Variants in MUC3A observed in about 807,000 individuals in gnomAD.
MUC3A encodes the protein mucin 3A, cell surface associated.
In MUC3A, 109 loss-of-function variants were observed where a neutral mutation model predicts 109.0. The observed-to-expected ratio is 1.00, with a 90% CI of 0.86 to 1.17. The LOEUF is 1.17. Among genes scored for constraint, MUC3A ranks in the 50% most tolerant of loss-of-function variants. The pLI is 0.00. For missense variants in MUC3A, 3,537 were observed against 2,469.4 expected (o/e 1.43, Z -9.16); for synonymous variants, 1,398 against 981.4 (o/e 1.42, Z -7.93).
In MUC3A at chr7:100,957,795, A is replaced by G. The variant is rs1584803038; in HGVS notation, c.6016A>G (p.Thr2006Ala). The stretch of plus-strand genomic sequence containing the variant: ...CACAACCACCACCACCTCACACAGT[A>G]CTCCCAGCTTCACTTCTTCCATCAC... ...ITTTTTTSHS[T>A]PSFTSSITTT... The change falls in exon 2 of 12, where the codon ACT becomes GCT. Residue 2006 changes from threonine to alanine, a missense_variant. Physicochemically the swap from Thr to Ala is moderately conservative, Grantham distance 58 (BLOSUM62 0). Coordinates refer to ENST00000379458, the MANE Select transcript of MUC3A (RefSeq NM_005960.2). The G allele has an allele frequency of 1.3e-5, 14 of 1,059,724 alleles. No individual in the cohort carries two copies. The East Asian group carries it at 3.5e-4, about 26-fold the overall frequency. 65.6% of individuals were successfully genotyped at this position (1,059,724 alleles called of 1,614,324 possible).
Position 100,965,701 on chromosome 7 carries a change from C to T in MUC3A, c.9449-3C>T. On this transcript the variant is annotated splice_region_variant and splice_polypyrimidine_tract_variant and intron_variant, in intron 7 of 11. Transcript: ENST00000379458. ...TCTGTGCATCCCCCTCCCCAACCCCCAGCCATCTGCCGCCGCGCCGCTCCC... is the reference window on the plus strand; with the variant it reads ...TCTGTGCATCCCCCTCCCCAACCCCTAGCCATCTGCCGCCGCGCCGCTCCC... 6.3e-7 allele frequency: 1 copy of T among 1,596,146 alleles called. No individual in the cohort carries two copies. The highest frequency in any genetic ancestry group is 8.5e-7 in the Non-Finnish European group (1 of 1,178,366).
At chr7:100,964,479 A>G (rs1792454026) in intron 5 of MUC3A, 3 of 694,496 alleles carry the variant, frequency 4.3e-6, no homozygotes, top group Non-Finnish European at 6.7e-6. Flanking sequence ...CAGAGAGAGG[A>G]AGTCAATCAT....
At chr7:100,965,683 A>C (rs756747771) in intron 7 of MUC3A, 21 bp from the exon 8 acceptor site, 8 of 1,592,446 alleles carry the variant, frequency 5.0e-6, no homozygotes, top group Non-Finnish European at 6.8e-6. Context: ...GTCTCTGTGC[A>C]TCCCCCTCCC....
chr7:100,950,751 C>T (rs1156318172), intron 1 of MUC3A, among the ~76,000 whole-genome samples: 1 of 152,306 alleles, frequency 6.6e-6, no homozygotes, highest in Non-Finnish European at 1.5e-5. Flanking sequence ...GGGGTTCATG[C>T]TTGTAAACTA....
chr7:100,964,945 C>T (rs1342973610), intron 6 of MUC3A, 102 bp downstream of exon 6: 2 of 1,467,916 alleles, frequency 1.4e-6, no homozygotes, highest in Non-Finnish European at 9.0e-7. Context: ...CCCTGTGGTA[C>T]CTCTGGCAGG....
At position 100,958,294 on chromosome 7, in the gene MUC3A, C is replaced by A; in HGVS notation, c.6515C>A (p.Ser2172Ter). ...TSLITTTETT[S>*]HRWGTTETTS... is the part of the protein sequence containing the mutation. ...TTGATCACCACCACGGAGACCACCTCACACAGGTGGGGGACCACCGAGACC... is the reference window on the plus strand; with the variant it reads ...TTGATCACCACCACGGAGACCACCTAACACAGGTGGGGGACCACCGAGACC... The change falls in exon 2 of 12, where the codon TCA (serine) becomes TAA (stop). Residue 2172 changes from serine to a stop codon, truncating the protein, a stop_gained. Coordinates refer to ENST00000379458, the MANE Select transcript of MUC3A (RefSeq NM_005960.2). LOFTEE classifies it high-confidence loss of function. The A allele has an allele frequency of 5.3e-5, 20 of 374,226 alleles. No homozygotes were observed. Among genetic ancestry groups the A allele is most frequent in the East Asian group, 2.1e-4 (2 of 9,744 alleles). The allele number at this position is 374,226 out of a possible 1,614,324, so 23.2% of individuals were successfully genotyped here.
In MUC3A at chr7:100,960,163, C is replaced by T; in HGVS notation, c.8384C>T (p.Ala2795Val). The T allele has an allele frequency of 6.4e-7, 1 of 1,570,238 alleles. No individual in the cohort carries two copies. Among genetic ancestry groups the T allele is most frequent in the Non-Finnish European group, 8.6e-7 (1 of 1,164,174 alleles). ...GTTGAAATGGATCCCAGCACTGAAGCTACTTCTCCTCCCACCACCCCATTA... is the reference window on the plus strand; with the variant it reads ...GTTGAAATGGATCCCAGCACTGAAGTTACTTCTCCTCCCACCACCCCATTA... ...PCVEMDPSTE[A>V]TSPPTTPLTV... The change falls in exon 2 of 12, where the codon GCT becomes GTT. Residue 2795 changes from alanine (A) to valine (V), a missense_variant. Physicochemically the swap from Ala to Val is moderately conservative, Grantham distance 64. Transcript: ENST00000379458.
Position 100,960,619 on chromosome 7 carries a change from CACAGTCCACGTTG to C in MUC3A, c.8843_8855del (p.Gln2948ProfsTer66), listed in dbSNP as rs1563071255. 4 of 1,598,316 alleles carry C rather than the reference CACAGTCCACGTTG, an allele frequency of 2.5e-6. No individual in the cohort carries two copies. The Admixed American group carries it at 5.0e-5, about 20-fold the overall frequency. On this transcript the variant is annotated frameshift_variant, in exon 2 of 12. Coordinates refer to ENST00000379458, the MANE Select transcript of MUC3A (RefSeq NM_005960.2). LOFTEE classifies it high-confidence loss of function. ...ACTCGCATCACTTCTCAGATGACCA[CACAGTCCACGTTG>C]ACCACCACTGCAGGTTGGACCTTCT...
rs1456520040 is a variant in MUC3A at position 100,955,090 on chromosome 7, A to C, written c.3311A>C (p.Tyr1104Ser). 3 of 601,398 alleles carry C rather than the reference A, an allele frequency of 5.0e-6. No individual in the cohort carries two copies. The East Asian group carries it at 8.5e-5, about 17-fold the overall frequency. The allele number at this position is 601,398 out of a possible 1,614,324, so 37.3% of individuals were successfully genotyped here. The stretch of plus-strand genomic sequence containing the variant: ...TCAGACTCCACGACTGAAATCACCT[A>C]TTCCACAAGTATAACAGGTACATTG... Reference protein sequence around the residue: ...IVSDSTTEITYSTSITGTLST... With the variant: ...IVSDSTTEITSSTSITGTLST... The change falls in exon 2 of 12, where the codon TAT becomes TCT. Residue 1104 changes from tyrosine (Y) to serine (S), a missense_variant. Transcript: ENST00000379458.
In MUC3A at chr7:100,966,143, C is replaced by T. The variant is rs992645531; in HGVS notation, c.9612-243C>T. On this transcript the variant is annotated intron_variant, in intron 8 of 11. Coordinates refer to ENST00000379458, the MANE Select transcript of MUC3A (RefSeq NM_005960.2). ...CCGCCTCCTCGTTCTAGGGTTGAAC[C>T]CCGCCCCCTCCTTCTAGGGTGGAGC... 2.3e-5 allele frequency: 12 copies of T among 520,174 alleles called. No individual in the cohort carries two copies. In the African/African-American group the frequency reaches 2.4e-4, roughly 10 times the overall value. 32.2% of individuals were successfully genotyped at this position (520,174 alleles called of 1,614,324 possible).
rs1792090686 is a variant in MUC3A at position 100,956,171 on chromosome 7, C to T, written c.4392C>T (p.Tyr1464=). Residue 1464 remains tyrosine, a synonymous_variant, in exon 2 of 12, where the codon TAC becomes TAT. Transcript: ENST00000379458. ...CTACACTTACATCTGAGACCGCCTA[C>T]CCTAGTTCTCCCACAAGCACTGTCA... The part of the protein sequence containing the change: ...TRSTLTSETA[Y]PSSPTSTVTE... The T allele has an allele frequency of 1.7e-4, 75 of 446,150 alleles. No individual in the cohort carries two copies. The allele number at this position is 446,150 out of a possible 1,614,324, so 27.6% of individuals were successfully genotyped here.
chr7:100,960,632 G>C lies in MUC3A; in HGVS notation c.8853G>C (p.Leu2951Phe), dbSNP rs747864753. 2.5e-6 allele frequency: 4 copies of C among 1,597,892 alleles called. No homozygotes were observed. The African/African-American group carries it at 5.3e-5, about 21-fold the overall frequency. ...CTCAGATGACCACACAGTCCACGTT[G>C]ACCACCACTGCAGGTTGGACCTTCT... ...ITSQMTTQST[L>F]TTTAGTCDNG... is the part of the protein sequence containing the mutation. The change falls in exon 2 of 12, where the codon TTG becomes TTC. Residue 2951 changes from leucine (L) to phenylalanine (F), a missense_variant. Coordinates refer to ENST00000379458, the MANE Select transcript of MUC3A (RefSeq NM_005960.2).
At position 100,958,021 on chromosome 7, in the gene MUC3A, C is replaced by T; in HGVS notation, c.6242C>T (p.Thr2081Ile). Residue 2081 changes from threonine to isoleucine, a missense_variant, in exon 2 of 12, where the codon ACC becomes ATC. Physicochemically the swap from Thr to Ile is moderately conservative, Grantham distance 89. Coordinates refer to ENST00000379458, the MANE Select transcript of MUC3A (RefSeq NM_005960.2). ...ACTCTCAGCTACACTACCTCAATCA[C>T]CACCACCGAGACCCCCTCACACAGT... ...HSTLSYTTSI[T>I]TTETPSHSTL... is the part of the protein sequence containing the mutation. 9.3e-7 allele frequency: 1 copy of T among 1,080,148 alleles called. No individual in the cohort carries two copies. Among genetic ancestry groups the T allele is most frequent in the Non-Finnish European group, 1.4e-6 (1 of 709,096 alleles). The allele number at this position is 1,080,148 out of a possible 1,614,324, so 66.9% of individuals were successfully genotyped here.
Position 100,963,162 on chromosome 7 carries a change from A to G in MUC3A, c.9064A>G (p.Thr3022Ala). 6.3e-7 allele frequency: 1 copy of G among 1,598,252 alleles called. No individual in the cohort carries two copies. The highest frequency in any genetic ancestry group is 8.5e-7 in the Non-Finnish European group (1 of 1,179,742). Residue 3022 changes from threonine (T) to alanine (A), a missense_variant, in exon 4 of 12, where the codon ACC (threonine) becomes GCC (alanine). Coordinates refer to ENST00000379458, the MANE Select transcript of MUC3A (RefSeq NM_005960.2). ...VEQVDLDVVE[T>A]EVGMEVSVDQ... ...CATGCTCTGTGTAGATGTAGTGGAG[A>G]CCGAGGTGGGCATGGAAGTGTCTGT...
At position 100,967,111 on chromosome 7, in the gene MUC3A, A is replaced by T. The variant is rs757162276; in HGVS notation, c.9931-10A>T. The T allele has an allele frequency of 6.3e-7, 1 of 1,598,538 alleles. No individual in the cohort carries two copies. Among genetic ancestry groups the T allele is most frequent in the Admixed American group, 1.7e-5 (1 of 60,034 alleles). On this transcript the variant is annotated splice_polypyrimidine_tract_variant and intron_variant, in intron 11 of 11. Transcript: ENST00000379458. ...CTCCGCGTTCCCGTCCCTCACTGTG[A>T]CTCTGACAGGTGCACATCAAGAGAC...
chr7:100,951,705 G>GCAGGA, intron 1 of MUC3A, 136 bp from the exon 2 acceptor site: 1 of 1,345,084 alleles, frequency 7.4e-7, no homozygotes, highest in Middle Eastern at 2.1e-4. Flanking sequence ...TGCCTCTGAT[G>GCAGGA]CAGGAGTCAG....
In MUC3A at chr7:100,956,706, A is replaced by C. The variant is rs1256717594; in HGVS notation, c.4927A>C (p.Thr1643Pro). The change falls in exon 2 of 12, where the codon ACA (threonine) becomes CCA (proline). Residue 1643 changes from threonine to proline, a missense_variant. Coordinates refer to ENST00000379458, the MANE Select transcript of MUC3A (RefSeq NM_005960.2). ...CACTCCCAGTGGAGGACCAACTTTC[A>C]CAAGTACTGAGAACACTCCAACAAG... ...ATTPSGGPTF[T>P]STENTPTRSL... 6 of 418,064 alleles carry C rather than the reference A, an allele frequency of 1.4e-5. No homozygotes were observed. Among genetic ancestry groups the C allele is most frequent in the Non-Finnish European group, 2.5e-5 (6 of 239,448 alleles). The allele number at this position is 418,064 out of a possible 1,614,324, so 25.9% of individuals were successfully genotyped here. A position where few individuals can be genotyped will look rare whatever the true frequency, so the allele number is the denominator to read the frequency against.
chr7:100,960,367 G>A lies in MUC3A; in HGVS notation c.8588G>A (p.Ser2863Asn), dbSNP rs1436661718. ...GTVPTNTVFT[S>N]TRLPTSETWL... Reference sequence around the variant, plus strand: ...GTACCCACAAACACAGTTTTCACAAGTACTCGACTGCCCACCAGTGAGACC... The same window carrying A: ...GTACCCACAAACACAGTTTTCACAAATACTCGACTGCCCACCAGTGAGACC... The change falls in exon 2 of 12, where the codon AGT becomes AAT. Residue 2863 changes from serine (S) to asparagine (N), a missense_variant. Ser to Asn is a conservative substitution (Grantham distance 46). Coordinates refer to ENST00000379458, the MANE Select transcript of MUC3A (RefSeq NM_005960.2). The A allele has an allele frequency of 3.1e-6, 5 of 1,598,542 alleles. No homozygotes were observed. Among genetic ancestry groups the A allele is most frequent in the Non-Finnish European group, 4.2e-6 (5 of 1,179,832 alleles).
In MUC3A at chr7:100,965,876, C is replaced by G. The variant is rs773263045; in HGVS notation, c.9611+10C>G. 110 of 1,587,298 alleles carry G rather than the reference C, an allele frequency of 6.9e-5. No homozygotes were observed. Among genetic ancestry groups the G allele is most frequent in the Non-Finnish European group, 8.5e-5 (100 of 1,172,662 alleles). ...GCGGTCCCACGTGTCGGTAAGGCCC[C>G]GCTCACCATCGGCATCAGCCGAGCC... is the stretch of plus-strand genomic sequence containing the variant. On this transcript the variant is annotated intron_variant, in intron 8 of 11. Coordinates refer to ENST00000379458, the MANE Select transcript of MUC3A (RefSeq NM_005960.2).
Sources: allele counts gnomAD v4.1 joint callset (sites outside exome capture counted in the v4.1 genomes callset), GRCh38; gene constraint gnomAD v4.1.1; transcripts MANE v1.5; gene names NCBI Gene and HGNC (gene_info 2026-07-23, HGNC 2026-07-21).